The following SLCO1B1 variants were observed in gnomAD, a reference collection of about 807,000 sequenced individuals.
SLCO1B1 encodes solute carrier organic anion transporter family member 1B1.
In SLCO1B1, 81 loss-of-function variants were observed where a neutral mutation model predicts 70.1. The observed-to-expected ratio is 1.16, with a 90% CI of 0.97 to 1.39. The LOEUF is 1.39. SLCO1B1 is among the 40% of genes most tolerant of loss of function. The pLI is 0.00. For synonymous variants in SLCO1B1, 283 were observed against 271.5 expected, an observed-to-expected ratio of 1.04 and a Z score of -0.42; for missense variants, 895 against 799.6, an observed-to-expected ratio of 1.12 and a Z score of -1.44.
At chr12:21,192,756 C>T (rs1041700906) in intron 7 of SLCO1B1, among the ~76,000 whole-genome samples, 2 of 151,908 alleles carry the variant, frequency 1.3e-5, no homozygotes, top group Admixed American at 6.6e-5. Flanking sequence ...GCAAACAATG[C>T]CAGATGCTAC....
At chr12:21,149,280 G>C (rs951623885) in intron 2 of SLCO1B1, among the ~76,000 whole-genome samples, 4 of 152,250 alleles carry the variant, frequency 2.6e-5, no homozygotes, top group South Asian at 4.1e-4. Flanking sequence ...AGTGGTGAGA[G>C]AGGGCATCCT....
intron 2 of SLCO1B1, among the ~76,000 whole-genome samples, chr12:21,148,650 C>T (rs563984763): frequency 7.4e-5 from 11 of 148,558 alleles, no homozygotes; most frequent in African/African-American, 2.7e-4. Flanking sequence ...AGCATGATGC[C>T]TCCAGCTTTG....
chr12:21,204,495 C>T (rs1286174899), intron 10 of SLCO1B1, among the ~76,000 whole-genome samples: 1 of 147,820 alleles, frequency 6.8e-6, no homozygotes, highest in South Asian at 2.1e-4. Flanking sequence ...GTGTGAAGGA[C>T]TTCTGAGAAC....
Position 21,181,001 on chromosome 12 carries a change from C to G in SLCO1B1, c.727+1981C>G, listed in dbSNP as rs369220761. Among the ~76,000 whole-genome samples, 3 of 152,100 alleles carry G rather than the reference C, an allele frequency of 2.0e-5. No individual in the cohort carries two copies. In the South Asian group the frequency reaches 6.2e-4, roughly 32 times the overall value. On this transcript the variant is annotated intron_variant, in intron 7 of 14. Transcript: ENST00000256958. ...TGGCAAACTCCAATGCCTAAAGGAG[C>G]TGAAGACATAAAAATAAATGAGTAA...
chr12:21,232,734 ACAGAGAAAGACAG>A (rs1941553094), intron 14 of SLCO1B1, among the ~76,000 whole-genome samples: 2 of 123,654 alleles, frequency 1.6e-5, no homozygotes, highest in Admixed American at 1.6e-4. Flanking sequence ...AGACAGAGAG[ACAGAGAAAGACAG>A]AGACAGAGAC....
At chr12:21,228,896 A>G (rs528097704) in intron 14 of SLCO1B1, among the ~76,000 whole-genome samples, 43 of 152,186 alleles carry the variant, frequency 2.8e-4, no homozygotes, top group African/African-American at 1.0e-3. Flanking sequence ...CCAGCTGGAA[A>G]TGACCAACCC....
At chr12:21,196,845 G>A (rs1941097674) in intron 7 of SLCO1B1, 101 bp from the exon 8 acceptor site, 3 of 1,230,688 alleles carry the variant, frequency 2.4e-6, no homozygotes, top group Non-Finnish European at 3.5e-6. Context: ...TCGTGTCTTG[G>A]AATTGAGGAA....
chr12:21,132,830 A>C (rs1269463785), intron 1 of SLCO1B1, among the ~76,000 whole-genome samples: 1 of 151,938 alleles, frequency 6.6e-6, no homozygotes, highest in Non-Finnish European at 1.5e-5. Context: ...GAAGCTCTTT[A>C]GTTTAATTAT....
intron 1 of SLCO1B1, among the ~76,000 whole-genome samples, chr12:21,132,009 C>G (rs1395072092): frequency 6.6e-6 from 1 of 152,060 alleles, no homozygotes; most frequent in East Asian, 1.9e-4. Context: ...ACAACAGTCC[C>G]CGGTGTGTGA....
intron 2 of SLCO1B1, among the ~76,000 whole-genome samples, chr12:21,170,800 A>G (rs1164288028): frequency 6.6e-6 from 1 of 152,224 alleles, no homozygotes; most frequent in South Asian, 2.1e-4. Context: ...CATTGATAGC[A>G]TATATCATTT....
intron 13 of SLCO1B1, among the ~76,000 whole-genome samples, chr12:21,222,718 AAATAAG>A (rs1941443245): frequency 6.6e-6 from 1 of 151,972 alleles, no homozygotes. Context: ...TTTTTCAGAA[AAATAAG>A]AATATTTCCT....
chr12:21,157,727 A>G (rs1940560589), intron 2 of SLCO1B1, among the ~76,000 whole-genome samples: 1 of 150,948 alleles, frequency 6.6e-6, no homozygotes, highest in South Asian at 2.1e-4. Context: ...TCAGCCTCCC[A>G]AGTAGCTGGG....
chr12:21,184,849 T>C (rs1940945840), intron 7 of SLCO1B1, among the ~76,000 whole-genome samples: 1 of 152,166 alleles, frequency 6.6e-6, no homozygotes, highest in Non-Finnish European at 1.5e-5. Context: ...CTTAGCCTTC[T>C]GTTGTCTTTA....
chr12:21,178,913 T>C lies in SLCO1B1; in HGVS notation c.629-9T>C. Reference sequence around the variant, plus strand: ...GGCATCTAGTAAAATTGCTTTATAATATTTTCAGGTATATTGAATGCAATA... The same window carrying C: ...GGCATCTAGTAAAATTGCTTTATAACATTTTCAGGTATATTGAATGCAATA... On this transcript the variant is annotated splice_polypyrimidine_tract_variant and intron_variant, in intron 6 of 14. Transcript: ENST00000256958. 1.3e-6 allele frequency: 2 copies of C among 1,591,624 alleles called. No homozygotes were observed. Among genetic ancestry groups the C allele is most frequent in the South Asian group, 2.2e-5 (2 of 90,612 alleles).
intron 11 of SLCO1B1, among the ~76,000 whole-genome samples, chr12:21,211,746 A>G (rs1211571215): frequency 6.6e-6 from 1 of 152,118 alleles, no homozygotes; most frequent in African/African-American, 2.4e-5. Context: ...AGATCCTGTT[A>G]TTGGTCTATT....
intron 2 of SLCO1B1, among the ~76,000 whole-genome samples, chr12:21,156,265 A>G (rs545612522): frequency 1.3e-4 from 20 of 152,232 alleles, no homozygotes; most frequent in Admixed American, 3.9e-4. Flanking sequence ...ATGATTTTGA[A>G]ACTCTACCAT....
rs1353313039 is a variant in SLCO1B1, at chr12:21,174,625, A to G, written c.275A>G (p.His92Arg). 6.2e-7 allele frequency: 1 copy of G among 1,613,318 alleles called. No homozygotes were observed. Among genetic ancestry groups the G allele is most frequent in the East Asian group, 2.2e-5 (1 of 44,778 alleles). ...VFVSYFGSKL[H>R]RPKLIGIGCF... ...GTGAGTTACTTTGGATCCAAACTAC[A>G]TAGACCAAAGTTAATTGGAATCGGT... The change falls in exon 4 of 15, where the codon CAT (histidine) becomes CGT (arginine). Residue 92 changes from histidine (H) to arginine (R), a missense_variant. By Grantham distance (29) the His-to-Arg change is conservative. Transcript: ENST00000256958.
intron 7 of SLCO1B1, among the ~76,000 whole-genome samples, chr12:21,182,770 G>A (rs1940919260): frequency 6.6e-6 from 1 of 151,686 alleles, no homozygotes; most frequent in Non-Finnish European, 1.5e-5. Flanking sequence ...GCTTGGGAGT[G>A]TGAGCTGAGA....
chr12:21,154,567 T>C (rs948018230), intron 2 of SLCO1B1, among the ~76,000 whole-genome samples: 4 of 152,136 alleles, frequency 2.6e-5, no homozygotes, highest in African/African-American at 9.6e-5. Flanking sequence ...TTTATATGCC[T>C]CTTTACCCTC....
Sources: allele counts gnomAD v4.1 joint callset (sites outside exome capture counted in the v4.1 genomes callset), GRCh38; gene constraint gnomAD v4.1.1; transcripts MANE v1.5; gene names NCBI Gene and HGNC (gene_info 2026-07-23, HGNC 2026-07-21).